The following L3MBTL4 variants were observed in gnomAD, a reference collection of about 807,000 sequenced individuals.
The protein encoded by L3MBTL4 is L3MBTL histone methyl-lysine binding protein 4.
In L3MBTL4, 70 loss-of-function variants were observed where a neutral mutation model predicts 84.5. The ratio of observed to expected loss-of-function variants is 0.83; its 90% CI spans 0.68 to 1.01. The LOEUF (loss-of-function observed/expected upper bound fraction) is 1.01, where lower values mean the gene tolerates loss of function less well. L3MBTL4 is among the 50% of genes least tolerant of loss of function. The pLI is 0.00. For synonymous variants in L3MBTL4, 274 were observed against 259.8 expected (o/e 1.05, Z -0.52); for missense variants, 715 against 754.8 (o/e 0.95, Z 0.62).
At chr18:6,379,477 T>C (rs907625960) in intron 1 of L3MBTL4, among the ~76,000 whole-genome samples, 4 of 152,238 alleles carry the variant, frequency 2.6e-5, no homozygotes, top group African/African-American at 9.6e-5. Context: ...TCTTATTATT[T>C]TGATATATGT....
At chr18:6,002,679 A>C (rs546864) in intron 16 of L3MBTL4, among the ~76,000 whole-genome samples, 1 of 152,036 alleles carries the variant, frequency 6.6e-6, no homozygotes, top group South Asian at 2.1e-4. Flanking sequence ...CAAAGAAAAT[A>C]AGTACAGAGT....
chr18:6,324,245 A>G (rs1047882350), intron 1 of L3MBTL4, among the ~76,000 whole-genome samples: 2 of 152,230 alleles, frequency 1.3e-5, no homozygotes, highest in Admixed American at 1.3e-4. Flanking sequence ...GTCCTCACAG[A>G]AAACCTCTGC....
At chr18:6,322,199 TA>T (rs200474202) in intron 1 of L3MBTL4, among the ~76,000 whole-genome samples, 1,879 of 150,398 alleles carry the variant, frequency 0.012, 18 homozygotes, top group South Asian at 0.023. Flanking sequence ...TATACAAATT[TA>T]AAAAAAAATT....
intron 16 of L3MBTL4, among the ~76,000 whole-genome samples, chr18:6,007,163 C>A (rs2054524169): frequency 6.6e-6 from 1 of 151,668 alleles, no homozygotes; most frequent in Non-Finnish European, 1.5e-5. Flanking sequence ...AAAAGCCAGA[C>A]AACAAAATGG....
At chr18:6,177,767 T>G (rs1168210596) in intron 12 of L3MBTL4, among the ~76,000 whole-genome samples, 2 of 152,212 alleles carry the variant, frequency 1.3e-5, no homozygotes, top group African/African-American at 4.8e-5. Flanking sequence ...CACTGAATAT[T>G]CAAGGTGTGA....
chr18:6,071,733 GA>G (rs1200948036), intron 16 of L3MBTL4, among the ~76,000 whole-genome samples: 1 of 81,596 alleles, frequency 1.2e-5, no homozygotes, highest in Non-Finnish European at 2.7e-5. Context: ...AAGAAGGAAA[GA>G]AAGAAGGAAG....
intron 1 of L3MBTL4, among the ~76,000 whole-genome samples, chr18:6,324,949 C>T (rs1232386528): frequency 6.6e-6 from 1 of 152,136 alleles, no homozygotes. Flanking sequence ...AAAGAAACCA[C>T]AATGAGCTAC....
intron 16 of L3MBTL4, among the ~76,000 whole-genome samples, chr18:6,025,933 T>C (rs969551084): frequency 4.6e-5 from 7 of 152,242 alleles, no homozygotes; most frequent in African/African-American, 1.4e-4. Context: ...GGCCTGTAGG[T>C]TGGGGACCCC....
Position 6,045,598 on chromosome 18 carries a change from C to T in L3MBTL4, c.1444+35283G>A, listed in dbSNP as rs142171214. On this transcript the variant is annotated intron_variant, in intron 16 of 18. Transcript: ENST00000317931. ...TCTCCCATTTTTAAAATCATCAGAC[C>T]TCATGAGACTCACCATCATGAGAAC... is the stretch of plus-strand genomic sequence containing the variant. Among the ~76,000 whole-genome samples the T allele has an allele frequency of 5.9e-5, 9 of 152,220 alleles. No individual in the cohort carries two copies. The East Asian group carries it at 1.7e-3, about 29-fold the overall frequency.
intron 14 of L3MBTL4, among the ~76,000 whole-genome samples, chr18:6,118,726 C>A (rs2059434218): frequency 6.6e-6 from 1 of 152,148 alleles, no homozygotes; most frequent in African/African-American, 2.4e-5. Context: ...AGCTCTTCTA[C>A]TCAGAAGAAA....
At chr18:6,019,051 AG>A (rs1215746915) in intron 16 of L3MBTL4, among the ~76,000 whole-genome samples, 1 of 152,246 alleles carries the variant, frequency 6.6e-6, no homozygotes, top group Non-Finnish European at 1.5e-5. Flanking sequence ...AAGGAAACAA[AG>A]GGAGATGCAT....
chr18:6,354,343 T>G (rs1384424887), intron 1 of L3MBTL4, among the ~76,000 whole-genome samples: 1 of 152,048 alleles, frequency 6.6e-6, no homozygotes, highest in Non-Finnish European at 1.5e-5. Flanking sequence ...TGAGAAAACA[T>G]CAGCGAAACT....
intron 14 of L3MBTL4, among the ~76,000 whole-genome samples, chr18:6,118,046 A>G (rs1255892108): frequency 6.6e-6 from 1 of 152,082 alleles, no homozygotes; most frequent in East Asian, 1.9e-4. Context: ...AAAAGCTTAC[A>G]AAGTCTCAGA....
At chr18:6,179,946 C>A (rs1049831928) in intron 12 of L3MBTL4, among the ~76,000 whole-genome samples, 1 of 152,088 alleles carries the variant, frequency 6.6e-6, no homozygotes, top group Non-Finnish European at 1.5e-5. Context: ...CCCTATATAG[C>A]GCCTCATTTA....
intron 7 of L3MBTL4, 28 bp from the exon 8 acceptor site, chr18:6,241,477 A>G: frequency 8.0e-7 from 1 of 1,244,384 alleles, no homozygotes; most frequent in Non-Finnish European, 1.2e-6. Context: ...TACTCAAAAT[A>G]CCCAAAAGAT....
At chr18:6,233,734 A>T (rs2146020991) in intron 10 of L3MBTL4, among the ~76,000 whole-genome samples, 1 of 152,290 alleles carries the variant, frequency 6.6e-6, no homozygotes, top group East Asian at 1.9e-4. Context: ...GAAAATGGCC[A>T]TACTGCCCCA....
intron 16 of L3MBTL4, chr18:6,031,080 A>G: frequency 1.0e-6 from 1 of 985,430 alleles, no homozygotes; most frequent in Non-Finnish European, 1.2e-6. Context: ...CCAATTATTA[A>G]TTATAGGAAG....
chr18:6,095,346 G>GTT (rs71370544), intron 14 of L3MBTL4, among the ~76,000 whole-genome samples: 26 of 122,946 alleles, frequency 2.1e-4, no homozygotes, highest in Non-Finnish European at 3.3e-4. Context: ...GGGGAACATG[G>GTT]TTTTTTTTTT....
chr18:5,975,544 A>G (rs916067091), intron 16 of L3MBTL4, among the ~76,000 whole-genome samples: 1 of 152,176 alleles, frequency 6.6e-6, no homozygotes, highest in African/African-American at 2.4e-5. Context: ...TCAGCTGGGA[A>G]CGTTGTTTTC....
Sources: allele counts gnomAD v4.1 joint callset (sites outside exome capture counted in the v4.1 genomes callset), GRCh38; gene constraint gnomAD v4.1.1; transcripts MANE v1.5; gene names NCBI Gene and HGNC (gene_info 2026-07-23, HGNC 2026-07-21).